Variants in ATG4C observed in about 807,000 individuals in gnomAD.
ATG4C encodes autophagy related 4C cysteine peptidase.
Under a neutral mutation model 57.6 loss-of-function variants are expected in ATG4C, and 56 were observed. The observed-to-expected ratio is 0.97, with a 90% CI of 0.78 to 1.21. ATG4C has a LOEUF of 1.21. ATG4C is among the 50% of genes most tolerant of loss of function. ATG4C has a pLI of 0.00. For missense variants in ATG4C, 595 were observed against 529.8 expected, an observed-to-expected ratio of 1.12 and a Z score of -1.21; for synonymous variants, 157 against 174.1, an observed-to-expected ratio of 0.90 and a Z score of 0.78.
At chr1:62,839,891 A>C (rs1666114087) in intron 9 of ATG4C, among the ~76,000 whole-genome samples, 2 of 150,604 alleles carry the variant, frequency 1.3e-5, no homozygotes, top group Non-Finnish European at 1.5e-5. Context: ...TCTAATATGC[A>C]GTTGAACTTT....
At chr1:62,829,197 T>C (rs1572142595) in intron 7 of ATG4C, 21 bp downstream of exon 7, 42 of 1,609,936 alleles carry the variant, frequency 2.6e-5, no homozygotes, top group Non-Finnish European at 3.4e-5. Flanking sequence ...AGTGCTGAAC[T>C]TTTTTAGGGC....
At chr1:62,844,749 A>G (rs1206776928) in intron 10 of ATG4C, among the ~76,000 whole-genome samples, 1 of 152,076 alleles carries the variant, frequency 6.6e-6, no homozygotes, top group African/African-American at 2.4e-5. Context: ...GAATTAGTGT[A>G]TCATACCCAT....
At chr1:62,861,036 A>G (rs1224820456) in intron 10 of ATG4C, among the ~76,000 whole-genome samples, 1 of 152,220 alleles carries the variant, frequency 6.6e-6, no homozygotes, top group Admixed American at 6.5e-5. Flanking sequence ...CCTGAAATGT[A>G]TGCTTTGCCT....
chr1:62,820,988 T>TTCAGATTA (rs1665462113), intron 5 of ATG4C, 151 bp from the exon 6 acceptor site: 1 of 505,240 alleles, frequency 2.0e-6, no homozygotes, highest in Non-Finnish European at 3.6e-6. Context: ...TGATGTCTGA[T>TTCAGATTA]ACCATTCAGA....
chr1:62,830,339 A>G (rs187275702), intron 7 of ATG4C, among the ~76,000 whole-genome samples: 1 of 152,202 alleles, frequency 6.6e-6, no homozygotes, highest in Non-Finnish European at 1.5e-5. Context: ...GAGACTTCTG[A>G]CATGTTGTCA....
At chr1:62,791,242 T>C (rs111875458) in intron 1 of ATG4C, among the ~76,000 whole-genome samples, 148 of 152,358 alleles carry the variant, frequency 9.7e-4, no homozygotes, top group African/African-American at 3.0e-3. Context: ...CATGGCTCAT[T>C]GTATCTCCCT....
At chr1:62,834,894 A>C (rs1056651568) in intron 9 of ATG4C, 42 bp downstream of exon 9, 37 of 1,506,962 alleles carry the variant, frequency 2.5e-5, no homozygotes, top group Non-Finnish European at 3.3e-5. Flanking sequence ...TTACCATATG[A>C]AGTAAACTAA....
At chr1:62,850,850 GTATGTATA>G (rs1666487003) in intron 10 of ATG4C, among the ~76,000 whole-genome samples, 3 of 33,546 alleles carry the variant, frequency 8.9e-5, no homozygotes, top group East Asian at 6.9e-4. Flanking sequence ...GTGTGTGTAT[GTATGTATA>G]TATATATATA....
chr1:62,823,521 C>T (rs889282289), intron 6 of ATG4C, among the ~76,000 whole-genome samples: 2 of 152,180 alleles, frequency 1.3e-5, no homozygotes, highest in African/African-American at 4.8e-5. Context: ...GATTTCCCTA[C>T]CTGTCCTCTT....
In ATG4C at chr1:62,804,596, C is replaced by T. The variant is rs144369457; in HGVS notation, c.77-576C>T. Among the ~76,000 whole-genome samples, 748 of 152,188 alleles carry T rather than the reference C, an allele frequency of 4.9e-3. 9 individuals carry two copies. Among genetic ancestry groups the T allele is most frequent in the African/African-American group, 0.017 (715 of 41,524 alleles). On this transcript the variant is annotated intron_variant, in intron 2 of 10. Coordinates refer to ENST00000317868, the MANE Select transcript of ATG4C (RefSeq NM_032852.4). ...CCCACACAAAATAGACTGTAAAGTTCGTGCACTGATACCTCTGATTTTTCT... is the reference window on the plus strand; with the variant it reads ...CCCACACAAAATAGACTGTAAAGTTTGTGCACTGATACCTCTGATTTTTCT...
At position 62,805,187 on chromosome 1, in the gene ATG4C, CAA is replaced by C; in HGVS notation, c.94_95del (p.Lys32AspfsTer4). The stretch of plus-strand genomic sequence containing the variant: ...TTTTTGCTAGGTTGGGTGTTGAAAA[CAA>C]AGACGTATTTTAGTAGAAATTCTCC... On this transcript the variant is annotated frameshift_variant, in exon 3 of 11. Transcript: ENST00000317868. LOFTEE classifies it high-confidence loss of function. 2.7e-6 allele frequency: 4 copies of C among 1,487,884 alleles called. No homozygotes were observed. Among genetic ancestry groups the C allele is most frequent in the African/African-American group, 1.5e-5 (1 of 65,586 alleles). 92.2% of individuals were successfully genotyped at this position (1,487,884 alleles called of 1,614,324 possible). A position where few individuals can be genotyped will look rare whatever the true frequency, so the allele number is the denominator to read the frequency against.
intron 10 of ATG4C, among the ~76,000 whole-genome samples, chr1:62,849,144 A>C (rs915988220): frequency 6.6e-6 from 1 of 152,168 alleles, no homozygotes; most frequent in Non-Finnish European, 1.5e-5. Context: ...CCCCTTGGTT[A>C]AAGTGATGTC....
chr1:62,849,460 A>G lies in ATG4C; in HGVS notation c.1209+7913A>G, dbSNP rs77448915. Among the ~76,000 whole-genome samples the G allele has an allele frequency of 5.0e-3, 752 of 151,708 alleles. 4 individuals are homozygous for G. Among genetic ancestry groups the G allele is most frequent in the Non-Finnish European group, 7.6e-3 (518 of 67,898 alleles). ...AAGATTTTTATTTCTCAAGACTTAA[A>G]TTGTTTTAATTGCTCTCAGATGCTT... On this transcript the variant is annotated intron_variant, in intron 10 of 10. Coordinates refer to ENST00000317868, the MANE Select transcript of ATG4C (RefSeq NM_032852.4).
intron 3 of ATG4C, among the ~76,000 whole-genome samples, chr1:62,811,244 A>G (rs1323812035): frequency 6.6e-6 from 1 of 152,206 alleles, no homozygotes; most frequent in East Asian, 1.9e-4. Flanking sequence ...TTCTGTCTCT[A>G]TTATTTAATT....
At chr1:62,842,857 A>G (rs1317122112) in intron 10 of ATG4C, among the ~76,000 whole-genome samples, 6 of 152,194 alleles carry the variant, frequency 3.9e-5, no homozygotes, top group Non-Finnish European at 8.8e-5. Flanking sequence ...CCAGGTGAAC[A>G]TAACAAAATA....
intron 10 of ATG4C, among the ~76,000 whole-genome samples, chr1:62,852,988 T>C (rs1285161334): frequency 6.6e-6 from 1 of 152,180 alleles, no homozygotes; most frequent in African/African-American, 2.4e-5. Context: ...TATTCCTTTC[T>C]CTTGCTGGAG....
intron 10 of ATG4C, among the ~76,000 whole-genome samples, chr1:62,855,907 T>C (rs1374580488): frequency 6.6e-6 from 1 of 152,248 alleles, no homozygotes. Context: ...GAGTATCTAA[T>C]CTTTATTTCA....
At chr1:62,836,225 A>G (rs1476139982) in intron 9 of ATG4C, among the ~76,000 whole-genome samples, 1 of 152,078 alleles carries the variant, frequency 6.6e-6, no homozygotes, top group Non-Finnish European at 1.5e-5. Flanking sequence ...TATTAATAAT[A>G]AAGGTTTGAA....
chr1:62,812,210 C>G (rs924028659), intron 3 of ATG4C, among the ~76,000 whole-genome samples: 4 of 152,012 alleles, frequency 2.6e-5, no homozygotes, highest in Non-Finnish European at 5.9e-5. Context: ...AACATTGATG[C>G]GAAAATCCTC....
Sources: gnomAD v4.1 joint callset for allele counts (sites outside exome capture counted in the v4.1 genomes callset) on GRCh38, gnomAD v4.1.1 for gene constraint, MANE v1.5 for transcripts, NCBI Gene and HGNC (gene_info 2026-07-23, HGNC 2026-07-21) for gene names.